Variants in OR51C1 observed in about 807,000 individuals in gnomAD.
The protein encoded by OR51C1 is olfactory receptor family 51 subfamily C member 1, also known as olfactory receptor OR51C1.
At chr11:4,693,693 A>G in the OR51C1 span, among the ~76,000 whole-genome samples, 365 of 152,216 alleles carry the variant, frequency 2.4e-3, 1 homozygote, top group Middle Eastern at 3.4e-3. Context: ...TTGCACTCCA[A>G]CCTGGGCGAC....
At chr11:4,692,284 C>T in the OR51C1 span, 1 of 334,500 alleles carries the variant, frequency 3.0e-6, no homozygotes, top group African/African-American at 2.2e-5. Context: ...CAGCATCTAA[C>T]CATTAAAGAA....
the OR51C1 span, chr11:4,691,499 C>T: frequency 2.2e-6 from 1 of 456,098 alleles, no homozygotes; most frequent in Non-Finnish European, 4.4e-6. Context: ...CAGTGGCGGA[C>T]AGCATGGAGA....
At chr11:4,697,423 A>G in the OR51C1 span, among the ~76,000 whole-genome samples, 12 of 152,330 alleles carry the variant, frequency 7.9e-5, no homozygotes, top group Admixed American at 7.2e-4. Flanking sequence ...ACACTGATTA[A>G]ACCATTTGAC....
the OR51C1 span, chr11:4,691,321 C>A: frequency 2.2e-6 from 1 of 457,500 alleles, no homozygotes; most frequent in Non-Finnish European, 4.4e-6. Context: ...GGATTAGAGA[C>A]GGCCACAAAA....
the OR51C1 span, chr11:4,690,703 A>G: frequency 3.1e-6 from 1 of 324,830 alleles, no homozygotes; most frequent in African/African-American, 2.2e-5. Context: ...AATTGGAAAC[A>G]TGACCTGAAG....
chr11:4,697,333 C>A, the OR51C1 span, among the ~76,000 whole-genome samples: 2 of 152,102 alleles, frequency 1.3e-5, no homozygotes, highest in African/African-American at 2.4e-5. Flanking sequence ...GCAATGCGTT[C>A]GAAATTGGTA....
the OR51C1 span, chr11:4,691,017 C>T: frequency 2.2e-6 from 1 of 455,958 alleles, no homozygotes; most frequent in East Asian, 6.9e-5. Flanking sequence ...GGAAGCAACG[C>T]TAAGGACAGT....
the OR51C1 span, chr11:4,697,743 A>C: frequency 6.5e-6 from 1 of 152,672 alleles, no homozygotes; most frequent in African/African-American, 2.4e-5. Context: ...GAGCTTGCAA[A>C]TATGAGGAGA....
At chr11:4,695,240 A>G in the OR51C1 span, among the ~76,000 whole-genome samples, 7 of 152,298 alleles carry the variant, frequency 4.6e-5, no homozygotes, top group South Asian at 1.2e-3. Context: ...TGCTTTTAAT[A>G]AATAAATCAT....
chr11:4,693,764 A>T, the OR51C1 span, among the ~76,000 whole-genome samples: 1 of 152,242 alleles, frequency 6.6e-6, no homozygotes, highest in East Asian at 1.9e-4. Flanking sequence ...GCAACAGTGC[A>T]CTTGTAACAC....
chr11:4,694,898 G>A, the OR51C1 span, among the ~76,000 whole-genome samples: 2 of 152,144 alleles, frequency 1.3e-5, no homozygotes, highest in South Asian at 4.1e-4. Context: ...TTATAACTGT[G>A]TGAAGTTTTG....
the OR51C1 span, among the ~76,000 whole-genome samples, chr11:4,696,588 G>T: frequency 5.3e-5 from 8 of 152,208 alleles, no homozygotes; most frequent in African/African-American, 1.7e-4. Context: ...ACAAGAGGGG[G>T]ACTAATGAAT....
At chr11:4,693,596 C>A in the OR51C1 span, among the ~76,000 whole-genome samples, 1 of 152,120 alleles carries the variant, frequency 6.6e-6, no homozygotes, top group African/African-American at 2.4e-5. Context: ...TGGCGGGCGC[C>A]TGTAGTTCCA....
the OR51C1 span, among the ~76,000 whole-genome samples, chr11:4,694,921 G>A: frequency 6.6e-6 from 1 of 152,088 alleles, no homozygotes; most frequent in Non-Finnish European, 1.5e-5. Context: ...GGGTAAATGT[G>A]AGTTTATAAG....
the OR51C1 span, chr11:4,691,748 A>T: frequency 2.9e-6 from 1 of 342,844 alleles, no homozygotes; most frequent in African/African-American, 2.1e-5. Context: ...AACAAAAAAA[A>T]GCTACATTCA....
the OR51C1 span, chr11:4,690,764 T>C: frequency 2.0e-5 from 8 of 399,884 alleles, no homozygotes; most frequent in African/African-American, 1.7e-4. Flanking sequence ...AATTTTATGT[T>C]TCTTTGGAAT....
chr11:4,697,229 T>C, the OR51C1 span, among the ~76,000 whole-genome samples: 2 of 152,220 alleles, frequency 1.3e-5, no homozygotes, highest in Non-Finnish European at 2.9e-5. Context: ...ACAATTGTTT[T>C]ACTGAAATCT....
the OR51C1 span, chr11:4,690,668 A>T: frequency 3.0e-6 from 1 of 329,184 alleles, no homozygotes; most frequent in Non-Finnish European, 5.9e-6. Flanking sequence ...AATGGGCACC[A>T]GTTCTTTGGT....
chr11:4,694,537 T>TAC, the OR51C1 span, among the ~76,000 whole-genome samples: 8 of 144,964 alleles, frequency 5.5e-5, no homozygotes, highest in African/African-American at 1.8e-4. Flanking sequence ...CACACATATA[T>TAC]ACGTATATAT....
Sources: allele counts gnomAD v4.1 joint callset (sites outside exome capture counted in the v4.1 genomes callset), GRCh38; gene constraint gnomAD v4.1.1; transcripts MANE v1.5; gene names NCBI Gene and HGNC (gene_info 2026-07-23, HGNC 2026-07-21).